The following DOCK3 variants were observed in gnomAD, a reference collection of about 807,000 sequenced individuals.
DOCK3 encodes the protein dedicator of cytokinesis protein 3.
Under a neutral mutation model 265.6 loss-of-function variants are expected in DOCK3, and 60 were observed. That is an observed-to-expected ratio of 0.23 (90% CI 0.18 to 0.28). The LOEUF is 0.28. Ranked by LOEUF, DOCK3 falls within the 10% of genes least tolerant of loss-of-function variation. The probability of loss-of-function intolerance (pLI) is 1.00; values close to 1 mark genes in which losing one functional copy is unlikely to be tolerated. For missense variants in DOCK3, 1,981 were observed against 2,594.3 expected (o/e 0.76, Z 5.14); for synonymous variants, 881 against 938.0 (o/e 0.94, Z 1.11).
rs553808369 is a variant in DOCK3 at position 51,203,255 on chromosome 3, A to G, written c.1038-5519A>G. Among the ~76,000 whole-genome samples the G allele has an allele frequency of 3.8e-4, 58 of 152,272 alleles. No homozygotes were observed. In the East Asian group the frequency reaches 0.011, roughly 28 times the overall value. On this transcript the variant is annotated intron_variant, in intron 12 of 52. Transcript: ENST00000266037. Reference sequence around the variant, plus strand: ...CCCTGTTTGCAGATGACATGATTGTATATCTAGAAAACCCCATTGTCTCAG... The same window carrying G: ...CCCTGTTTGCAGATGACATGATTGTGTATCTAGAAAACCCCATTGTCTCAG...
At chr3:51,052,245 C>T (rs573907196) in intron 5 of DOCK3, among the ~76,000 whole-genome samples, 1 of 152,176 alleles carries the variant, frequency 6.6e-6, no homozygotes, top group East Asian at 1.9e-4. Flanking sequence ...GTGGCTCATG[C>T]CCGTAATCCC....
At chr3:50,914,185 A>G (rs1388892740) in intron 4 of DOCK3, among the ~76,000 whole-genome samples, 1 of 149,412 alleles carries the variant, frequency 6.7e-6, no homozygotes, top group African/African-American at 2.5e-5. Context: ...TTTTTCCTCA[A>G]TTTTGTTTAT....
At chr3:51,232,585 G>A (rs1281381535) in intron 19 of DOCK3, among the ~76,000 whole-genome samples, 1 of 152,150 alleles carries the variant, frequency 6.6e-6, no homozygotes, top group Non-Finnish European at 1.5e-5. Context: ...GAGTAAGGTG[G>A]TATCTCATTG....
At chr3:50,902,922 C>T (rs1052701835) in intron 4 of DOCK3, among the ~76,000 whole-genome samples, 1 of 152,146 alleles carries the variant, frequency 6.6e-6, no homozygotes, top group Non-Finnish European at 1.5e-5. Context: ...ATATTTTATT[C>T]TCTTTGTAGC....
chr3:51,370,875 C>T (rs1049013335), intron 49 of DOCK3, among the ~76,000 whole-genome samples: 4 of 152,188 alleles, frequency 2.6e-5, no homozygotes. Flanking sequence ...TTCGAGATGG[C>T]TCACATACAT....
chr3:51,379,387 C>T (rs1553617727), intron 51 of DOCK3: 12 of 985,252 alleles, frequency 1.2e-5, no homozygotes, highest in Non-Finnish European at 1.4e-5. Context: ...ACAAGCTGTA[C>T]TTCTCCCAGA....
intron 12 of DOCK3, among the ~76,000 whole-genome samples, chr3:51,200,437 G>C (rs866760789): frequency 0.077 from 1,599 of 20,808 alleles, 126 homozygotes; most frequent in African/African-American, 0.3. Context: ...ATCAGTGATG[G>C]AAGATGAAAT....
intron 9 of DOCK3, among the ~76,000 whole-genome samples, chr3:51,121,924 G>A (rs2084034661): frequency 6.6e-6 from 1 of 152,150 alleles, no homozygotes; most frequent in Non-Finnish European, 1.5e-5. Flanking sequence ...ACAATAGCCA[G>A]CCATATCACA....
intron 19 of DOCK3, among the ~76,000 whole-genome samples, chr3:51,231,566 A>G (rs1046580706): frequency 7.2e-5 from 11 of 152,060 alleles, no homozygotes; most frequent in Non-Finnish European, 1.3e-4. Context: ...TCTTCTTTTG[A>G]GAAGTGTCTG....
intron 5 of DOCK3, among the ~76,000 whole-genome samples, chr3:51,030,666 C>T (rs2080011576): frequency 6.6e-6 from 1 of 152,148 alleles, no homozygotes; most frequent in Non-Finnish European, 1.5e-5. Flanking sequence ...GAGTAATAAG[C>T]ATTTTAAGAA....
At chr3:51,124,987 AAAT>A (rs1258551321) in intron 9 of DOCK3, among the ~76,000 whole-genome samples, 8 of 150,400 alleles carry the variant, frequency 5.3e-5, no homozygotes, top group African/African-American at 2.0e-4. Flanking sequence ...AAAAAAAAAA[AAAT>A]TAGCCAGATT....
chr3:50,714,620 T>G (rs1394618694), intron 1 of DOCK3, among the ~76,000 whole-genome samples: 1 of 152,192 alleles, frequency 6.6e-6, no homozygotes, highest in Non-Finnish European at 1.5e-5. Context: ...TGGCTAATTT[T>G]TAAATTTTTT....
chr3:50,804,631 C>G (rs1363485374), intron 2 of DOCK3, among the ~76,000 whole-genome samples: 1 of 152,236 alleles, frequency 6.6e-6, no homozygotes, highest in Non-Finnish European at 1.5e-5. Context: ...CCCAGGCACT[C>G]GGCAGGCTGA....
At chr3:51,150,479 T>C (rs1369165694) in intron 10 of DOCK3, among the ~76,000 whole-genome samples, 22 of 152,378 alleles carry the variant, frequency 1.4e-4, no homozygotes, top group African/African-American at 5.0e-4. Context: ...CATTTAGTGC[T>C]ATACATTTCC....
intron 3 of DOCK3, among the ~76,000 whole-genome samples, chr3:50,882,863 A>C (rs902547095): frequency 2.0e-5 from 3 of 152,222 alleles, no homozygotes; most frequent in Admixed American, 1.3e-4. Flanking sequence ...ACTTGTAACC[A>C]ACCCAAATGT....
chr3:51,266,906 G>A (rs1202495370), intron 23 of DOCK3, among the ~76,000 whole-genome samples: 3 of 152,156 alleles, frequency 2.0e-5, no homozygotes, highest in African/African-American at 7.2e-5. Context: ...TAGAATAGGA[G>A]AAAATTTTTG....
intron 2 of DOCK3, among the ~76,000 whole-genome samples, chr3:50,798,940 G>T (rs2042930498): frequency 6.6e-6 from 1 of 152,140 alleles, no homozygotes; most frequent in South Asian, 2.1e-4. Context: ...TTCTGCATAT[G>T]GATATCCAGT....
intron 4 of DOCK3, among the ~76,000 whole-genome samples, chr3:50,899,423 T>C (rs777999596): frequency 3.3e-5 from 5 of 152,200 alleles, no homozygotes; most frequent in Non-Finnish European, 5.9e-5. Context: ...GTCTTGACTC[T>C]TTGTCCAGTT....
At chr3:50,702,049 C>T (rs187646284) in intron 1 of DOCK3, among the ~76,000 whole-genome samples, 1 of 152,288 alleles carries the variant, frequency 6.6e-6, no homozygotes, top group East Asian at 1.9e-4. Context: ...TGGCTATTCA[C>T]AGTCTTTTGT....
Sources: gnomAD v4.1 joint callset for allele counts (sites outside exome capture counted in the v4.1 genomes callset) on GRCh38, gnomAD v4.1.1 for gene constraint, MANE v1.5 for transcripts, NCBI Gene and HGNC (gene_info 2026-07-23, HGNC 2026-07-21) for gene names.